PGAP4: variants seen among roughly 807,000 people sequenced by gnomAD.
The protein encoded by PGAP4 is post-GPI attachment to proteins GalNAc transferase 4, also known as GPI-N-acetylgalactosamine transferase PGAP4.
A neutral mutation model predicts 28.2 loss-of-function variants in PGAP4; 12 were observed. The ratio of observed to expected loss-of-function variants is 0.42; its 90% CI spans 0.27 to 0.69. PGAP4 has a LOEUF of 0.69. PGAP4 is among the 30% of genes least tolerant of loss of function. The pLI is 0.22. For missense variants in PGAP4, 425 were observed against 513.5 expected, an observed-to-expected ratio of 0.83 and a Z score of 1.67; for synonymous variants, 205 against 211.8, an observed-to-expected ratio of 0.97 and a Z score of 0.28.
chr9:101,518,778 C>A (rs929074057), intron 2 of PGAP4, among the ~76,000 whole-genome samples: 1 of 152,174 alleles, frequency 6.6e-6, no homozygotes, highest in Non-Finnish European at 1.5e-5. Context: ...TATAAACATG[C>A]GTGTGCAAGT....
At chr9:101,493,959 A>G (rs1826714091) in intron 2 of PGAP4, among the ~76,000 whole-genome samples, 1 of 152,094 alleles carries the variant, frequency 6.6e-6, no homozygotes, top group Non-Finnish European at 1.5e-5. Context: ...GATATAATCT[A>G]GTAACAGGTG....
Position 101,476,294 on chromosome 9 carries a change from C to G in PGAP4, c.799G>C (p.Gly267Arg), listed in dbSNP as rs1406180510. The G allele has an allele frequency of 1.9e-6, 3 of 1,614,082 alleles. No individual in the cohort carries two copies. Among genetic ancestry groups the G allele is most frequent in the Non-Finnish European group, 2.5e-6 (3 of 1,180,006 alleles). ...AAGGGCCCCAGCAACATGCCTACAC[C>G]AACCCATTCCAGGATCCGCATGGGC... is the stretch of plus-strand genomic sequence containing the variant. Reference protein sequence around the residue: ...PEPMRILEWVGVGMLLGPLLT... With the variant: ...PEPMRILEWVRVGMLLGPLLT... Residue 267 changes from glycine (G) to arginine (R), a missense_variant, in exon 2 of 2, where the codon GGT becomes CGT. Physicochemically the swap from Gly to Arg is moderately radical, Grantham distance 125. Coordinates refer to ENST00000374848, the MANE Select transcript of PGAP4 (RefSeq NM_032342.3). The surrounding 1 kb of genome is among the most constrained non-coding windows in gnomAD (Gnocchi z 7.0).
chr9:101,490,856 A>C (rs929658294), upstream of PGAP4, among the ~76,000 whole-genome samples: 1 of 152,168 alleles, frequency 6.6e-6, no homozygotes, highest in Non-Finnish European at 1.5e-5. Flanking sequence ...TTTTGCTGTA[A>C]TAGTGAGAAG....
At chr9:101,494,033 T>C (rs1372129224) in intron 2 of PGAP4, among the ~76,000 whole-genome samples, 4 of 152,010 alleles carry the variant, frequency 2.6e-5, no homozygotes, top group Non-Finnish European at 5.9e-5. Flanking sequence ...TATAAGAATT[T>C]TAGATTTAAA....
intron 1 of PGAP4, among the ~76,000 whole-genome samples, chr9:101,482,751 C>G (rs1218096025): frequency 6.6e-6 from 1 of 152,136 alleles, no homozygotes; most frequent in Non-Finnish European, 1.5e-5. Flanking sequence ...CTGACCTTTC[C>G]AACCAGAAAG....
chr9:101,532,270 GA>G (rs1191488414), intron 1 of PGAP4, among the ~76,000 whole-genome samples: 1 of 126,788 alleles, frequency 7.9e-6, no homozygotes, highest in Non-Finnish European at 1.6e-5. Context: ...ACTCTGTCTC[GA>G]AAAAAAGAAA....
In PGAP4 at chr9:101,475,686, G is replaced by A. The variant is rs542671645; in HGVS notation, c.*195C>T. The A allele has an allele frequency of 3.1e-5, 19 of 622,660 alleles. No homozygotes were observed. The East Asian group carries it at 5.0e-4, about 16-fold the overall frequency. 38.6% of individuals were successfully genotyped at this position (622,660 alleles called of 1,614,324 possible). On this transcript the variant is annotated 3_prime_UTR_variant, in exon 2 of 2. Coordinates refer to ENST00000374848, the MANE Select transcript of PGAP4 (RefSeq NM_032342.3). Reference sequence around the variant, plus strand: ...TGTGGAGGGAGAGGTCCGGACCTGTGGCAAACTGCTGCTCCTGCCAGGAGG... The same window carrying A: ...TGTGGAGGGAGAGGTCCGGACCTGTAGCAAACTGCTGCTCCTGCCAGGAGG...
chr9:101,477,205 C>CT, intron 1 of PGAP4, 36 bp from the exon 2 acceptor site: 1 of 1,154,530 alleles, frequency 8.7e-7, no homozygotes, highest in African/African-American at 2.4e-5. Context: ...GTAAGAGTAA[C>CT]TTAAAAAAAC....
chr9:101,518,941 G>A (rs1486500795), intron 2 of PGAP4, among the ~76,000 whole-genome samples: 1 of 152,166 alleles, frequency 6.6e-6, no homozygotes, highest in Non-Finnish European at 1.5e-5. Context: ...CAGTGTAGAA[G>A]TGTTCCCTGT....
At chr9:101,481,032 C>T (rs1195647139) in intron 1 of PGAP4, among the ~76,000 whole-genome samples, 1 of 152,080 alleles carries the variant, frequency 6.6e-6, no homozygotes, top group Admixed American at 6.5e-5. Flanking sequence ...CAAAAATTAG[C>T]CAGGCATGGT....
In PGAP4 at chr9:101,523,725, C is replaced by CT. The variant is rs1180230405; in HGVS notation, c.-165+7622dup. Among the ~76,000 whole-genome samples, 3 of 133,450 alleles carry CT rather than the reference C, an allele frequency of 2.2e-5. No individual in the cohort carries two copies. In the East Asian group the frequency reaches 7.4e-4, roughly 33 times the overall value. 87.5% of individuals were successfully genotyped at this position (133,450 alleles called of 152,430 possible). On this transcript the variant is annotated intron_variant, in intron 2 of 3. Transcript: ENST00000374851. ...AGCTTAATAACTAACCTCCTGAATTCTTTTTCAGGTAAATCAGGAATTTAT... is the reference window on the plus strand; with the variant it reads ...AGCTTAATAACTAACCTCCTGAATTCTTTTTTCAGGTAAATCAGGAATTTAT...
At chr9:101,529,697 G>T (rs984174429) in intron 2 of PGAP4, among the ~76,000 whole-genome samples, 3 of 152,108 alleles carry the variant, frequency 2.0e-5, no homozygotes, top group African/African-American at 7.2e-5. Context: ...AGGAGGCAGG[G>T]GTATGGAAAT....
At chr9:101,497,581 C>G (rs1564098249) in intron 2 of PGAP4, among the ~76,000 whole-genome samples, 1 of 151,514 alleles carries the variant, frequency 6.6e-6, no homozygotes, top group Non-Finnish European at 1.5e-5. Flanking sequence ...GTGTGTGTAT[C>G]TATCTATATA....
chr9:101,501,846 A>T (rs778819378), intron 2 of PGAP4: 4 of 485,502 alleles, frequency 8.2e-6, no homozygotes, highest in African/African-American at 3.9e-5. Flanking sequence ...AAAAAGGGGG[A>T]TCAAGTTCAG....
rs575829811 is a variant in PGAP4, at chr9:101,526,575, A to G, written c.-165+4773T>C. Among the ~76,000 whole-genome samples the G allele has an allele frequency of 1.1e-4, 16 of 152,232 alleles. No homozygotes were observed. In the South Asian group the frequency reaches 2.9e-3, roughly 28 times the overall value. ...AGTGATTCTCCTGCCTCAGCCTCCCAAGTAGCTGAGACTACAGGTATGCGC... is the reference window on the plus strand; with the variant it reads ...AGTGATTCTCCTGCCTCAGCCTCCCGAGTAGCTGAGACTACAGGTATGCGC... On this transcript the variant is annotated intron_variant, in intron 2 of 3. Coordinates refer to the PGAP4 transcript ENST00000374851.
rs1386896861 is a variant in PGAP4, at chr9:101,475,973, C to A, written c.1120G>T (p.Gly374Ter). 1 of 1,614,222 alleles carries A rather than the reference C, an allele frequency of 6.2e-7. No homozygotes were observed. The highest frequency in any genetic ancestry group is 1.1e-5 in the South Asian group (1 of 91,088). Residue 374 changes from glycine (G) to a stop codon, truncating the protein, a stop_gained, in exon 2 of 2, where the codon GGA (glycine) becomes TGA (stop). Transcript: ENST00000374848. LOFTEE classifies it high-confidence loss of function. The stretch of plus-strand genomic sequence containing the variant: ...GGCTCCACTACATAGGCCCTCTCTC[C>A]CTTGGCCCTCAACAGCGAGTACAGT... ...MALYSLLRAK[G>*]ERAYVVEPNL...
chr9:101,518,077 C>T (rs1051280768), intron 2 of PGAP4, among the ~76,000 whole-genome samples: 8 of 152,050 alleles, frequency 5.3e-5, no homozygotes, highest in African/African-American at 9.7e-5. Context: ...TTGTTTCCAT[C>T]TTTGTGTCCA....
chr9:101,522,064 T>C (rs1008238186), intron 2 of PGAP4, among the ~76,000 whole-genome samples: 3 of 152,218 alleles, frequency 2.0e-5, no homozygotes, highest in African/African-American at 7.2e-5. Flanking sequence ...TATTCCACTG[T>C]GGTCCAAGAG....
chr9:101,515,155 G>A (rs1009863688), intron 2 of PGAP4, among the ~76,000 whole-genome samples: 1 of 152,126 alleles, frequency 6.6e-6, no homozygotes, highest in Non-Finnish European at 1.5e-5. Flanking sequence ...TTAAAATTAA[G>A]TTGTTGGCAG....
Sources: allele counts gnomAD v4.1 joint callset (sites outside exome capture counted in the v4.1 genomes callset), GRCh38; gene constraint gnomAD v4.1.1; non-coding constraint Gnocchi (gnomAD v3.1); transcripts MANE v1.5; gene names NCBI Gene and HGNC (gene_info 2026-07-23, HGNC 2026-07-21).